The following RAG1 variants were observed in gnomAD, a reference collection of about 807,000 sequenced individuals.
RAG1 encodes recombination activating 1.
In RAG1, 35 loss-of-function variants were observed where a neutral mutation model predicts 62.7. The observed-to-expected ratio is 0.56, with a 90% CI of 0.43 to 0.74. The LOEUF (loss-of-function observed/expected upper bound fraction) is 0.74, where lower values mean the gene tolerates loss of function less well. Among genes scored for constraint, RAG1 ranks in the 30% least tolerant of loss-of-function variants. The probability of loss-of-function intolerance (pLI) is 0.00; values close to 1 mark genes in which losing one functional copy is unlikely to be tolerated. For synonymous variants in RAG1, 461 were observed against 470.3 expected (o/e 0.98, Z 0.26); for missense variants, 1,169 against 1,278.6 (o/e 0.91, Z 1.31).
In RAG1 at chr11:36,571,465, G is replaced by C. The variant is rs183216792; in HGVS notation, c.-14-1826G>C. 1.2e-3 allele frequency among the ~76,000 whole-genome samples: 187 copies of C among 152,244 alleles called. 7 individuals are homozygous for C. In the East Asian group the frequency reaches 0.033, roughly 27 times the overall value. On this transcript the variant is annotated intron_variant, in intron 1 of 1. Transcript: ENST00000299440. ...TAAGCAATTTTGAGGTGTTCGTTGGGCTGCAGTTGAAATATTTTTTGAGGT... is the reference window on the plus strand; with the variant it reads ...TAAGCAATTTTGAGGTGTTCGTTGGCCTGCAGTTGAAATATTTTTTGAGGT...
rs746606767 is a variant in RAG1 at position 36,575,288 on chromosome 11, C to T, written c.1984C>T (p.Leu662=). Residue 662 remains leucine (L), a synonymous_variant, in exon 2 of 2, where the codon CTG becomes TTG. Coordinates refer to ENST00000299440, the MANE Select transcript of RAG1 (RefSeq NM_000448.3). The surrounding 1 kb of genome is among the most constrained non-coding windows in gnomAD (Gnocchi z 4.1). ...GTGTTGCAAGCCATTGTGCCTTATGCTGGCAGATGAGTCTGACCACGAGAC... is the reference window on the plus strand; with the variant it reads ...GTGTTGCAAGCCATTGTGCCTTATGTTGGCAGATGAGTCTGACCACGAGAC... ...ELCCKPLCLM[L]ADESDHETLT... 5.0e-6 allele frequency: 8 copies of T among 1,614,102 alleles called. No individual in the cohort carries two copies. In the South Asian group the frequency reaches 6.6e-5, roughly 13 times the overall value.
intron 3 of RAG1, among the ~76,000 whole-genome samples, chr11:36,549,759 A>G (rs943853379): frequency 1.1e-4 from 16 of 152,216 alleles, no homozygotes; most frequent in Non-Finnish European, 2.2e-4. Context: ...CAATCTCATT[A>G]CTGAGTATAT....
At chr11:36,522,548 G>A (rs1791101834) in intron 2 of RAG1, among the ~76,000 whole-genome samples, 1 of 152,260 alleles carries the variant, frequency 6.6e-6, no homozygotes, top group Non-Finnish European at 1.5e-5. Flanking sequence ...TGCTAGGGAA[G>A]TGTGGAAAGG....
chr11:36,558,202 T>A (rs576996715), intron 3 of RAG1, among the ~76,000 whole-genome samples: 1 of 152,350 alleles, frequency 6.6e-6, no homozygotes, highest in African/African-American at 2.4e-5. Context: ...ATATAATCTA[T>A]CCTGGAGAAT....
At position 36,574,301 on chromosome 11, in the gene RAG1, T is replaced by C. The variant is rs1041695603; in HGVS notation, c.997T>C (p.Tyr333His). 18 of 1,614,134 alleles carry C rather than the reference T, an allele frequency of 1.1e-5. No homozygotes were observed. The highest frequency in any genetic ancestry group is 1.5e-5 in the Non-Finnish European group (18 of 1,180,054). The change falls in exon 2 of 2, where the codon TAT becomes CAT. Residue 333 changes from tyrosine (Y) to histidine (H), a missense_variant. This residue lies in a region of RAG1 where 800 missense variants were observed against 943.3 expected (regional missense o/e 0.85). Coordinates refer to ENST00000299440, the MANE Select transcript of RAG1 (RefSeq NM_000448.3). ...GGGCAGCTATTGTCCCTCTTGCCGATATCCATGCTTCCCTACTGACCTGGA... is the reference window on the plus strand; with the variant it reads ...GGGCAGCTATTGTCCCTCTTGCCGACATCCATGCTTCCCTACTGACCTGGA... ...VMGSYCPSCRYPCFPTDLESP... is the reference protein window; with the variant it reads ...VMGSYCPSCRHPCFPTDLESP...
chr11:36,527,570 C>CT (rs1349484000), intron 2 of RAG1, among the ~76,000 whole-genome samples: 19 of 152,214 alleles, frequency 1.2e-4, no homozygotes, highest in African/African-American at 4.6e-4. Context: ...TATGCGGGCT[C>CT]TTTTTTGGTT....
chr11:36,557,458 C>T (rs1850519467), intron 3 of RAG1, among the ~76,000 whole-genome samples: 1 of 146,524 alleles, frequency 6.8e-6, no homozygotes, highest in Admixed American at 6.7e-5. Flanking sequence ...AATGCCTCGC[C>T]CTGCTTCGGC....
chr11:36,531,193 AT>A (rs1478797666), intron 2 of RAG1, among the ~76,000 whole-genome samples: 1 of 151,976 alleles, frequency 6.6e-6, no homozygotes, highest in East Asian at 1.9e-4. Context: ...AAAATTTCCC[AT>A]TATTTTACTT....
At chr11:36,550,358 A>T (rs547947496) in intron 3 of RAG1, among the ~76,000 whole-genome samples, 5 of 152,164 alleles carry the variant, frequency 3.3e-5, no homozygotes, top group Admixed American at 2.0e-4. Flanking sequence ...TCCAAATTTG[A>T]CCTACCCTAA....
upstream of RAG1, chr11:36,566,548 GCATGTAAGT>G (rs1272400578): frequency 6.6e-6 from 1 of 152,226 alleles, no homozygotes; most frequent in Admixed American, 6.5e-5. Flanking sequence ...ACACCCTCTT[GCATGTAAGT>G]CATGTTATGA....
chr11:36,536,384 C>T (rs1860327092), downstream of RAG1, among the ~76,000 whole-genome samples: 1 of 152,036 alleles, frequency 6.6e-6, no homozygotes, highest in Non-Finnish European at 1.5e-5. Flanking sequence ...AAATTTATTG[C>T]TCTTTTATTT....
At chr11:36,566,034 C>T (rs1219853565), upstream of RAG1, among the ~76,000 whole-genome samples, 2 of 151,936 alleles carry the variant, frequency 1.3e-5, no homozygotes, top group Non-Finnish European at 1.5e-5. Context: ...GTATACATGA[C>T]TGATGAAAAA....
Position 36,549,591 on chromosome 11 carries a change from C to T in RAG1, c.-412+13557C>T, listed in dbSNP as rs186342769. On this transcript the variant is annotated intron_variant and NMD_transcript_variant, in intron 3 of 9. Coordinates refer to the RAG1 transcript ENST00000534663. ...TACCATCTCACACCAGTTAGAATGG[C>T]GATCATTAAAACGTCAGGAAACAAC... Among the ~76,000 whole-genome samples, 298 of 152,224 alleles carry T rather than the reference C, an allele frequency of 2.0e-3. 2 individuals carry two copies. Among genetic ancestry groups the T allele is most frequent in the African/African-American group, 6.7e-3 (278 of 41,530 alleles).
intron 2 of RAG1, among the ~76,000 whole-genome samples, chr11:36,535,554 G>A (rs1860314366): frequency 6.6e-6 from 1 of 152,106 alleles, no homozygotes; most frequent in South Asian, 2.1e-4. Flanking sequence ...GACCAGCCTG[G>A]CCAACATGGT....
intron 3 of RAG1, among the ~76,000 whole-genome samples, chr11:36,541,132 AGCTGTAAACAACAGCTGCGG>A (rs1457126307): frequency 6.6e-6 from 1 of 152,210 alleles, no homozygotes; most frequent in Non-Finnish European, 1.5e-5. Context: ...GGTGGTGCTG[AGCTGTAAACAACAGCTGCGG>A]GCTGTAAACA....
At chr11:36,573,210 G>A (rs1850774389) in intron 1 of RAG1, 81 bp from the exon 2 acceptor site, 6 of 1,296,896 alleles carry the variant, frequency 4.6e-6, no homozygotes, top group Non-Finnish European at 6.5e-6. Context: ...ATAATTGAAT[G>A]TATTTATTTT....
intron 3 of RAG1, among the ~76,000 whole-genome samples, chr11:36,548,772 C>G (rs972402118): frequency 1.3e-5 from 2 of 152,150 alleles, no homozygotes; most frequent in African/African-American, 4.8e-5. Context: ...GAAAAAACTA[C>G]TTTAAATTTC....
chr11:36,546,439 C>T (rs906161290), intron 3 of RAG1, among the ~76,000 whole-genome samples: 1 of 152,132 alleles, frequency 6.6e-6, no homozygotes, highest in Admixed American at 6.5e-5. Context: ...GGTAAATCTT[C>T]CTCCATCCCT....
intron 3 of RAG1, among the ~76,000 whole-genome samples, chr11:36,558,266 T>C (rs2133277930): frequency 6.6e-6 from 1 of 152,338 alleles, no homozygotes; most frequent in East Asian, 1.9e-4. Flanking sequence ...GATAAAACAT[T>C]CTATAAGTGT....
Sources: allele counts gnomAD v4.1 joint callset (sites outside exome capture counted in the v4.1 genomes callset), GRCh38; gene constraint gnomAD v4.1.1; regional missense constraint gnomAD v4.1.1; non-coding constraint Gnocchi (gnomAD v3.1); transcripts MANE v1.5; gene names NCBI Gene and HGNC (gene_info 2026-07-23, HGNC 2026-07-21).